The following ZNF423 variants were observed in gnomAD, a reference collection of about 807,000 sequenced individuals.
ZNF423 encodes zinc finger protein 423.
ZNF423 carries 12 observed loss-of-function variants against 95.8 expected under a neutral mutation model. The ratio of observed to expected loss-of-function variants is 0.13; its 90% CI spans 0.08 to 0.20. The LOEUF (loss-of-function observed/expected upper bound fraction) is 0.20, where lower values mean the gene tolerates loss of function less well. Among genes scored for constraint, ZNF423 ranks in the 10% least tolerant of loss-of-function variants. The pLI is 1.00. For synonymous variants in ZNF423, 749 were observed against 711.9 expected, an observed-to-expected ratio of 1.05 and a Z score of -0.83; for missense variants, 1,316 against 1,737.1, an observed-to-expected ratio of 0.76 and a Z score of 4.31.
chr16:49,753,860 G>A (rs1596969838), intron 2 of ZNF423, among the ~76,000 whole-genome samples: 1 of 152,154 alleles, frequency 6.6e-6, no homozygotes, highest in East Asian at 1.9e-4. Flanking sequence ...GCAAAACCCC[G>A]TCTCTACTAA....
At chr16:49,498,199 C>T (rs148988852) in intron 7 of ZNF423, among the ~76,000 whole-genome samples, 4 of 152,204 alleles carry the variant, frequency 2.6e-5, no homozygotes, top group Admixed American at 2.6e-4. Flanking sequence ...TTAAGCCTCA[C>T]GACTGCCCTG....
At chr16:49,742,227 G>A (rs988930005) in intron 2 of ZNF423, among the ~76,000 whole-genome samples, 2 of 152,116 alleles carry the variant, frequency 1.3e-5, no homozygotes, top group Non-Finnish European at 2.9e-5. Context: ...CAAAATCCCC[G>A]GAAGGTAAAG....
At chr16:49,733,111 GA>G (rs1356232504) in intron 2 of ZNF423, among the ~76,000 whole-genome samples, 1 of 152,080 alleles carries the variant, frequency 6.6e-6, no homozygotes, top group Non-Finnish European at 1.5e-5. Context: ...AAAGAAATGA[GA>G]AATATCATTT....
rs753700839 is a variant in ZNF423, at chr16:49,637,769, G to T, written c.1407C>A (p.Arg469=). ...GGTAGGCATGGTTCTTGTGCAGCTTGCGAACGTGCTCGTTGAGGTTGTAGA... is the reference window on the plus strand; with the variant it reads ...GGTAGGCATGGTTCTTGTGCAGCTTTCGAACGTGCTCGTTGAGGTTGTAGA... ...PTLYNLNEHV[R]KLHKNHAYPV... The change falls in exon 4 of 8, where the codon CGC becomes CGA. Residue 469 remains arginine (R), a synonymous_variant. Coordinates refer to ENST00000563137, the MANE Select transcript of ZNF423 (RefSeq NM_001379286.1). The surrounding 1 kb of genome is among the most constrained non-coding windows in gnomAD (Gnocchi z 5.6). 3.7e-6 allele frequency: 6 copies of T among 1,614,140 alleles called. No individual in the cohort carries two copies. The highest frequency in any genetic ancestry group is 5.1e-6 in the Non-Finnish European group (6 of 1,180,038).
chr16:49,522,962 A>G (rs1276438133), intron 7 of ZNF423, among the ~76,000 whole-genome samples: 1 of 152,178 alleles, frequency 6.6e-6, no homozygotes, highest in African/African-American at 2.4e-5. Context: ...AACCAGTAAC[A>G]GGTGAAATGG....
intron 2 of ZNF423, among the ~76,000 whole-genome samples, chr16:49,774,486 C>T (rs988964748): frequency 3.3e-5 from 5 of 152,274 alleles, no homozygotes; most frequent in Admixed American, 1.3e-4. Context: ...TTCCTACACA[C>T]GCAGAGCAAA....
chr16:49,565,935 G>T (rs186826153), intron 5 of ZNF423, among the ~76,000 whole-genome samples: 38 of 151,866 alleles, frequency 2.5e-4, no homozygotes, highest in African/African-American at 8.4e-4. Flanking sequence ...GAAAGGGAGG[G>T]GAGGGGTGAT....
rs2030674142 is a variant in ZNF423 at position 49,668,992 on chromosome 16, TTAG to T, written c.302-30121_302-30119del. 2.0e-5 allele frequency among the ~76,000 whole-genome samples: 3 copies of T among 152,106 alleles called. No individual in the cohort carries two copies. The South Asian group carries it at 6.2e-4, about 32-fold the overall frequency. ...GGTCCCCCTTCCCCAGTGGTAACCC[TTAG>T]TAAGCACAGAGAGTGGGGAGTGGGG... On this transcript the variant is annotated intron_variant, in intron 3 of 7. Transcript: ENST00000563137.
chr16:49,719,887 G>A (rs1359458463), intron 3 of ZNF423, among the ~76,000 whole-genome samples: 2 of 152,236 alleles, frequency 1.3e-5, no homozygotes, highest in Non-Finnish European at 2.9e-5. Context: ...GCACGAGAGA[G>A]GTTCAGCATA....
intron 2 of ZNF423, among the ~76,000 whole-genome samples, chr16:49,764,256 G>T (rs893452941): frequency 6.6e-6 from 1 of 152,176 alleles, no homozygotes; most frequent in Non-Finnish European, 1.5e-5. Context: ...CAGCATAAGA[G>T]AAGACCATGC....
chr16:49,606,381 A>G (rs1215083011), intron 5 of ZNF423, among the ~76,000 whole-genome samples: 2 of 152,218 alleles, frequency 1.3e-5, no homozygotes, highest in South Asian at 4.1e-4. Flanking sequence ...GTTAGAATTC[A>G]GTAACACTTG....
chr16:49,598,761 T>C (rs185215968), intron 5 of ZNF423, among the ~76,000 whole-genome samples: 2 of 152,354 alleles, frequency 1.3e-5, no homozygotes, highest in African/African-American at 4.8e-5. Context: ...CACATGCTTT[T>C]GGAAATATCC....
rs571053940 is a variant in ZNF423, at chr16:49,705,601, G to A, written c.301+25170C>T. On this transcript the variant is annotated intron_variant, in intron 3 of 7. Coordinates refer to ENST00000563137, the MANE Select transcript of ZNF423 (RefSeq NM_001379286.1). ...TCACTCTTGTTGCCCAGGCTAGAGTGCAGTGGTGCGATCTAGGCTCACTGC... is the reference window on the plus strand; with the variant it reads ...TCACTCTTGTTGCCCAGGCTAGAGTACAGTGGTGCGATCTAGGCTCACTGC... 2.0e-5 allele frequency among the ~76,000 whole-genome samples: 3 copies of A among 152,328 alleles called. No homozygotes were observed. In the East Asian group the frequency reaches 5.8e-4, roughly 29 times the overall value.
intron 7 of ZNF423, among the ~76,000 whole-genome samples, chr16:49,502,163 T>G (rs541643434): frequency 1.8e-4 from 27 of 152,274 alleles, no homozygotes; most frequent in Non-Finnish European, 3.2e-4. Context: ...ACCTCTGGGG[T>G]TGGTGAGGGC....
intron 3 of ZNF423, among the ~76,000 whole-genome samples, chr16:49,677,272 A>AGAAGAGAAGAGAAGAGAAGGGAAGG (rs2031113170): frequency 1.4e-5 from 1 of 71,052 alleles, no homozygotes; most frequent in Non-Finnish European, 2.9e-5. Context: ...AGAAGAGAAG[A>AGAAGAGAAGAGAAGAGAAGGGAAGG]GAAGAGAAGA....
intron 1 of ZNF423, among the ~76,000 whole-genome samples, chr16:49,853,107 G>C (rs980370786): frequency 6.6e-6 from 1 of 152,130 alleles, no homozygotes; most frequent in Admixed American, 6.6e-5. Context: ...AGTCCACAAA[G>C]CCTCTACATT....
At chr16:49,845,035 C>CAAAAAAAAAAAAAAAAAAAAAAAA in intron 1 of ZNF423, among the ~76,000 whole-genome samples, 1 of 63,512 alleles carries the variant, frequency 1.6e-5, no homozygotes, top group Non-Finnish European at 2.6e-5. Flanking sequence ...AACTCCATCT[C>CAAAAAAAAAAAAAAAAAAAAAAAA]AAAAAAAAAA....
At chr16:49,532,238 G>A (rs985378500) in intron 5 of ZNF423, among the ~76,000 whole-genome samples, 3 of 152,150 alleles carry the variant, frequency 2.0e-5, no homozygotes, top group African/African-American at 4.8e-5. Context: ...AGACTCTGAC[G>A]GTGGGTGGCT....
intron 2 of ZNF423, among the ~76,000 whole-genome samples, chr16:49,739,683 T>C (rs1036428289): frequency 1.5e-5 from 2 of 133,038 alleles, no homozygotes; most frequent in Non-Finnish European, 3.1e-5. Context: ...GTTTGTTTTT[T>C]TGTTTTTGTT....
Sources: gnomAD v4.1 joint callset for allele counts (sites outside exome capture counted in the v4.1 genomes callset) on GRCh38, gnomAD v4.1.1 for gene constraint, Gnocchi (gnomAD v3.1) non-coding constraint, MANE v1.5 for transcripts, NCBI Gene and HGNC (gene_info 2026-07-23, HGNC 2026-07-21) for gene names.